The following KLHDC4 variants were observed in gnomAD, a reference collection of about 807,000 sequenced individuals.
KLHDC4 encodes the protein kelch domain-containing protein 4.
In KLHDC4, 90 loss-of-function variants were observed where a neutral mutation model predicts 62.4. The ratio of observed to expected loss-of-function variants is 1.44; its 90% CI spans 1.22 to 1.72. The LOEUF is 1.72. Among genes scored for constraint, KLHDC4 ranks in the 40% most tolerant of loss-of-function variants. The pLI is 0.00. For synonymous variants in KLHDC4, 386 were observed against 284.4 expected (o/e 1.36, Z -3.59); for missense variants, 1,025 against 699.7 (o/e 1.47, Z -5.25).
rs185036415 is a variant in KLHDC4, at chr16:87,719,430, G to A, written c.760-4857C>T. ...ACTCAGGGTTAAATGGATTAAGGGCGGTGCAAGATGTACTTTGTTAAACAG... is the reference window on the plus strand; with the variant it reads ...ACTCAGGGTTAAATGGATTAAGGGCAGTGCAAGATGTACTTTGTTAAACAG... On this transcript the variant is annotated intron_variant, in intron 7 of 11. Transcript: ENST00000270583. Among the ~76,000 whole-genome samples the A allele has an allele frequency of 4.2e-4, 64 of 152,222 alleles. 1 individual carries two copies. Among genetic ancestry groups the A allele is most frequent in the Non-Finnish European group, 7.6e-4 (52 of 68,018 alleles).
chr16:87,718,743 C>T (rs1161558865), intron 7 of KLHDC4, among the ~76,000 whole-genome samples: 1 of 146,660 alleles, frequency 6.8e-6, no homozygotes, highest in East Asian at 2.1e-4. Context: ...AAGTGAGGAG[C>T]GCCTCTTCCC....
chr16:87,722,946 G>A (rs919006283), intron 7 of KLHDC4, among the ~76,000 whole-genome samples: 2 of 152,320 alleles, frequency 1.3e-5, no homozygotes, highest in East Asian at 3.9e-4. Context: ...GAGCATGGAC[G>A]GGGCCTGCGT....
At chr16:87,730,987 A>T (rs1055226308) in intron 5 of KLHDC4, 1 of 172,468 alleles carries the variant, frequency 5.8e-6, no homozygotes, top group Admixed American at 6.4e-5. Flanking sequence ...CAACAGACAG[A>T]GAAATATCTT....
At chr16:87,752,311 A>G (rs2044132061) in intron 4 of KLHDC4, among the ~76,000 whole-genome samples, 1 of 148,316 alleles carries the variant, frequency 6.7e-6, no homozygotes, top group Non-Finnish European at 1.5e-5. Context: ...AGTGTAATCC[A>G]CAATCCGATC....
intron 5 of KLHDC4, among the ~76,000 whole-genome samples, chr16:87,732,047 C>A (rs1263593377): frequency 6.6e-6 from 1 of 150,814 alleles, no homozygotes; most frequent in Non-Finnish European, 1.5e-5. Context: ...TCTGGGGTGA[C>A]AAGGGCCTAC....
At chr16:87,723,693 C>T (rs141728899) in intron 7 of KLHDC4, among the ~76,000 whole-genome samples, 170 of 152,350 alleles carry the variant, frequency 1.1e-3, no homozygotes, top group African/African-American at 3.7e-3. Flanking sequence ...AATCTCTGAC[C>T]AACTGCCATT....
chr16:87,760,816 T>C (rs752895040), intron 2 of KLHDC4, among the ~76,000 whole-genome samples: 21 of 151,986 alleles, frequency 1.4e-4, no homozygotes, highest in Non-Finnish European at 2.6e-4. Context: ...GTGGATTACC[T>C]AAGGTCAGGA....
intron 5 of KLHDC4, 106 bp from the exon 6 acceptor site, chr16:87,730,750 G>A (rs1401270138): frequency 1.1e-6 from 1 of 935,892 alleles, no homozygotes; most frequent in African/African-American, 1.7e-5. Context: ...TTTCTGTTTT[G>A]TGAGCACTTA....
exon 1 of KLHDC4, chr16:87,701,806 G>C (rs1319822026): frequency 4.4e-6 from 2 of 456,604 alleles, no homozygotes; most frequent in Non-Finnish European, 8.8e-6. Context: ...TGCCCCATGG[G>C]ACAGAGGCCT....
At position 87,711,389 on chromosome 16, in the gene KLHDC4, G is replaced by T; in HGVS notation, c.890C>A (p.Ser297Tyr). ...CGGGGCCATGGCCACGGAAAAGCCA[G>T]ACCGTGGGGTGGGCTTGACCCCCGA... ...NPSGVKPTPR[S>Y]GFSVAMAPNH... The change falls in exon 9 of 12, where the codon TCT (serine) becomes TAT (tyrosine). Residue 297 changes from serine to tyrosine, a missense_variant. Ser to Tyr is a moderately radical substitution (Grantham distance 144). Transcript: ENST00000270583. 1 of 1,613,646 alleles carries T rather than the reference G, an allele frequency of 6.2e-7. No individual in the cohort carries two copies. The highest frequency in any genetic ancestry group is 8.5e-7 in the Non-Finnish European group (1 of 1,180,016).
exon 1 of KLHDC4, chr16:87,699,200 C>G (rs1338090016): frequency 6.6e-6 from 1 of 152,286 alleles, no homozygotes; most frequent in Non-Finnish European, 1.5e-5. Context: ...TTTTACTTAC[C>G]AGCCTCTGCA....
chr16:87,757,078 G>C (rs1159557469), intron 2 of KLHDC4, among the ~76,000 whole-genome samples: 1 of 151,934 alleles, frequency 6.6e-6, no homozygotes, highest in Admixed American at 6.5e-5. Context: ...GCCTCCCACA[G>C]TGCTGGGATT....
chr16:87,725,173 A>G (rs1293542765), intron 7 of KLHDC4, among the ~76,000 whole-genome samples: 3 of 148,204 alleles, frequency 2.0e-5, no homozygotes, highest in Admixed American at 2.0e-4. Flanking sequence ...CTCTGGGCGG[A>G]GGGGAGGGTG....
At chr16:87,764,747 G>T (rs2046369598) in intron 1 of KLHDC4, among the ~76,000 whole-genome samples, 1 of 138,298 alleles carries the variant, frequency 7.2e-6, no homozygotes, top group African/African-American at 2.7e-5. Flanking sequence ...ATACCACACA[G>T]ATGAACTGAC....
At chr16:87,762,143 A>G in intron 1 of KLHDC4, 103 bp from the exon 2 acceptor site, 1 of 1,545,488 alleles carries the variant, frequency 6.5e-7, no homozygotes, top group Non-Finnish European at 8.7e-7. Flanking sequence ...GACTGGGCTC[A>G]GTCACATCTG....
At chr16:87,706,534 C>T (rs901981144), downstream of KLHDC4, among the ~76,000 whole-genome samples, 6 of 152,224 alleles carry the variant, frequency 3.9e-5, no homozygotes, top group South Asian at 2.1e-4. Flanking sequence ...CACATCCAGA[C>T]GCACCAGACA....
intron 8 of KLHDC4, among the ~76,000 whole-genome samples, chr16:87,711,691 G>C (rs1177900492): frequency 1.3e-5 from 2 of 151,940 alleles, no homozygotes; most frequent in Admixed American, 6.5e-5. Context: ...CTCTAAACTA[G>C]GGGCAGCTAC....
At chr16:87,740,300 C>T (rs543232433) in intron 5 of KLHDC4, among the ~76,000 whole-genome samples, 14 of 152,162 alleles carry the variant, frequency 9.2e-5, no homozygotes, top group African/African-American at 2.9e-4. Flanking sequence ...GTGTGCATCC[C>T]GAGGGGACCA....
At chr16:87,736,827 T>G (rs2041391726) in intron 5 of KLHDC4, among the ~76,000 whole-genome samples, 1 of 152,142 alleles carries the variant, frequency 6.6e-6, no homozygotes, top group African/African-American at 2.4e-5. Context: ...ATTCTCATTT[T>G]ACAGACAAGG....
Sources: allele counts gnomAD v4.1 joint callset (sites outside exome capture counted in the v4.1 genomes callset), GRCh38; gene constraint gnomAD v4.1.1; transcripts MANE v1.5; gene names NCBI Gene and HGNC (gene_info 2026-07-23, HGNC 2026-07-21).